Variants in RNF130 observed in about 807,000 individuals in gnomAD.
RNF130 encodes E3 ubiquitin-protein ligase RNF130.
RNF130 carries 21 observed loss-of-function variants against 44.6 expected under a neutral mutation model. That is an observed-to-expected ratio of 0.47 (90% CI 0.33 to 0.68). The LOEUF (loss-of-function observed/expected upper bound fraction) is 0.68, where lower values mean the gene tolerates loss of function less well. RNF130 is among the 30% of genes least tolerant of loss of function. The pLI, the probability that RNF130 is intolerant of heterozygous loss-of-function variation, is 0.02. For synonymous variants in RNF130, 214 were observed against 210.4 expected (o/e 1.02, Z -0.15); for missense variants, 479 against 560.6 (o/e 0.85, Z 1.47).
At chr5:180,007,995 T>G (rs1024420217) in intron 3 of RNF130, among the ~76,000 whole-genome samples, 8 of 150,664 alleles carry the variant, frequency 5.3e-5, no homozygotes, top group African/African-American at 1.9e-4. Flanking sequence ...TTAGTTTTTT[T>G]TTTTTTTTTT....
chr5:179,974,442 G>A (rs954235412), intron 5 of RNF130, among the ~76,000 whole-genome samples: 6 of 152,234 alleles, frequency 3.9e-5, no homozygotes, highest in African/African-American at 2.4e-5. Context: ...GAGCCGAGGA[G>A]GAGGCCCCTC....
intron 1 of RNF130, among the ~76,000 whole-genome samples, chr5:180,042,307 G>A (rs1450398932): frequency 6.6e-6 from 1 of 152,126 alleles, no homozygotes; most frequent in Admixed American, 6.5e-5. Flanking sequence ...GCTACCAGAG[G>A]TCTCCTAATA....
chr5:179,964,964 T>C (rs1241581537), intron 7 of RNF130, among the ~76,000 whole-genome samples: 1 of 152,222 alleles, frequency 6.6e-6, no homozygotes, highest in Admixed American at 6.5e-5. Flanking sequence ...AAAATGTATA[T>C]GGCATTTATA....
At chr5:179,966,185 A>C (rs1298865003) in intron 7 of RNF130, among the ~76,000 whole-genome samples, 1 of 151,806 alleles carries the variant, frequency 6.6e-6, no homozygotes, top group East Asian at 1.9e-4. Flanking sequence ...CTTTCCTGCT[A>C]GTCGACAGTG....
At chr5:180,017,990 G>A (rs951803758) in intron 2 of RNF130, among the ~76,000 whole-genome samples, 1 of 152,068 alleles carries the variant, frequency 6.6e-6, no homozygotes, top group African/African-American at 2.4e-5. Context: ...CCTGAGACTG[G>A]GTAATTGAGA....
intron 1 of RNF130, among the ~76,000 whole-genome samples, chr5:180,058,727 A>G (rs1255257526): frequency 6.6e-6 from 1 of 151,870 alleles, no homozygotes; most frequent in East Asian, 1.9e-4. Flanking sequence ...GGCTAACGCT[A>G]ATTTTTGTAT....
intron 2 of RNF130, among the ~76,000 whole-genome samples, chr5:180,019,712 T>G (rs1458617214): frequency 6.6e-6 from 1 of 152,196 alleles, no homozygotes; most frequent in African/African-American, 2.4e-5. Context: ...CAGATGGAGG[T>G]TATATCAATT....
intron 1 of RNF130, among the ~76,000 whole-genome samples, chr5:180,041,745 G>A (rs551594031): frequency 7.2e-5 from 11 of 152,310 alleles, no homozygotes; most frequent in Non-Finnish European, 1.2e-4. Flanking sequence ...GGAACACAGC[G>A]CATGGATCTA....
Position 180,001,793 on chromosome 5 carries a change from T to C in RNF130, c.693+11268A>G, listed in dbSNP as rs146483035. On this transcript the variant is annotated intron_variant, in intron 3 of 8. Coordinates refer to ENST00000521389, the MANE Select transcript of RNF130 (RefSeq NM_018434.6). ...AGCATGGGAGGGGAGGATAGCACAGTGATAATTCCACTCTCCAAGAGGAAG... is the reference window on the plus strand; with the variant it reads ...AGCATGGGAGGGGAGGATAGCACAGCGATAATTCCACTCTCCAAGAGGAAG... 4.2e-3 allele frequency among the ~76,000 whole-genome samples: 634 copies of C among 152,284 alleles called. 3 individuals carry two copies. The highest frequency in any genetic ancestry group is 0.037 in the Middle Eastern group (11 of 294).
At chr5:180,017,591 G>T (rs1297968059) in intron 2 of RNF130, among the ~76,000 whole-genome samples, 1 of 151,898 alleles carries the variant, frequency 6.6e-6, no homozygotes, top group Non-Finnish European at 1.5e-5. Flanking sequence ...ATAATCAAAG[G>T]CATTAACAAC....
chr5:179,965,639 T>C (rs922464613), intron 7 of RNF130, among the ~76,000 whole-genome samples: 2 of 152,150 alleles, frequency 1.3e-5, no homozygotes, highest in Non-Finnish European at 2.9e-5. Context: ...CTGTAGACCA[T>C]AAAACCTCAA....
At chr5:180,060,937 T>C (rs1293401804) in intron 1 of RNF130, among the ~76,000 whole-genome samples, 195 of 151,638 alleles carry the variant, frequency 1.3e-3, no homozygotes, top group African/African-American at 4.4e-3. Flanking sequence ...GGCGAGGTAG[T>C]GGGCGCCTGT....
At chr5:180,050,133 T>A (rs1267449459) in intron 1 of RNF130, among the ~76,000 whole-genome samples, 1 of 152,268 alleles carries the variant, frequency 6.6e-6, no homozygotes, top group African/African-American at 2.4e-5. Flanking sequence ...TGTCTAGCTC[T>A]ATCTAGTTAT....
chr5:179,926,609 T>C (rs1035121142), intron 7 of RNF130, among the ~76,000 whole-genome samples: 4 of 152,102 alleles, frequency 2.6e-5, no homozygotes, highest in South Asian at 2.1e-4. Context: ...GATAGCGCCA[T>C]TGCACTCCAG....
At chr5:179,952,342 G>T (rs1762138376), downstream of RNF130, among the ~76,000 whole-genome samples, 1 of 152,088 alleles carries the variant, frequency 6.6e-6, no homozygotes, top group South Asian at 2.1e-4. Context: ...AACCTGAATA[G>T]GCCTCTAAGT....
chr5:179,944,322 A>G (rs1043091550), intron 7 of RNF130, among the ~76,000 whole-genome samples: 1 of 152,208 alleles, frequency 6.6e-6, no homozygotes, highest in Non-Finnish European at 1.5e-5. Flanking sequence ...CCAATAAATT[A>G]AATAACTAAA....
rs939875518 is a variant in RNF130, at chr5:180,015,193, A to C, written c.443-1882T>G. ...TAATATCTAATTACCTTTCTGAAAT[A>C]AGAGTTGTGATCAGTAAATTAGAGA... On this transcript the variant is annotated intron_variant, in intron 2 of 8. Transcript: ENST00000521389. The C allele has an allele frequency of 9.2e-6, 3 of 325,132 alleles. No homozygotes were observed. In the South Asian group the frequency reaches 9.8e-5, roughly 11 times the overall value. The allele number at this position is 325,132 out of a possible 1,614,324, so 20.1% of individuals were successfully genotyped here. A position where few individuals can be genotyped will look rare whatever the true frequency, so the allele number is the denominator to read the frequency against.
intron 8 of RNF130, among the ~76,000 whole-genome samples, chr5:179,962,960 T>C (rs1582144243): frequency 6.6e-6 from 1 of 152,330 alleles, no homozygotes; most frequent in South Asian, 2.1e-4. Context: ...TTTCTCTTCC[T>C]CCTCACAGCT....
chr5:180,061,343 C>T (rs544049854), intron 1 of RNF130, among the ~76,000 whole-genome samples: 2 of 152,314 alleles, frequency 1.3e-5, no homozygotes, highest in South Asian at 4.1e-4. Context: ...CGACTCTCTC[C>T]TGTGCTGGCA....
Sources: gnomAD v4.1 joint callset for allele counts (sites outside exome capture counted in the v4.1 genomes callset) on GRCh38, gnomAD v4.1.1 for gene constraint, MANE v1.5 for transcripts, NCBI Gene and HGNC (gene_info 2026-07-23, HGNC 2026-07-21) for gene names.